FNIP2: variants seen among roughly 807,000 people sequenced by gnomAD.
The protein encoded by FNIP2 is folliculin interacting protein 2.
Under a neutral mutation model 108.7 loss-of-function variants are expected in FNIP2, and 32 were observed. The ratio of observed to expected loss-of-function variants is 0.29; its 90% CI spans 0.22 to 0.40. The LOEUF (loss-of-function observed/expected upper bound fraction) is 0.40, where lower values mean the gene tolerates loss of function less well. FNIP2 is among the 10% of genes least tolerant of loss of function. The pLI is 1.00. For synonymous variants in FNIP2, 480 were observed against 496.7 expected, an observed-to-expected ratio of 0.97 and a Z score of 0.45; for missense variants, 1,202 against 1,381.6, an observed-to-expected ratio of 0.87 and a Z score of 2.06.
At chr4:158,822,174 C>CTTTTTT (rs70962634) in intron 1 of FNIP2, among the ~76,000 whole-genome samples, 1 of 118,180 alleles carries the variant, frequency 8.5e-6, no homozygotes, top group Non-Finnish European at 1.8e-5. Flanking sequence ...GAGTTTTCCT[C>CTTTTTT]TTTTTTTTTT....
In FNIP2 at chr4:158,872,228, ATTGATAACCCTCC is replaced by A; in HGVS notation, c.2949+1764_2949+1776del. 4.1e-6 allele frequency: 4 copies of A among 985,412 alleles called. No homozygotes were observed. The South Asian group carries it at 1.4e-4, about 35-fold the overall frequency. 61.0% of individuals were successfully genotyped at this position (985,412 alleles called of 1,614,324 possible). A position where few individuals can be genotyped will look rare whatever the true frequency, so the allele number is the denominator to read the frequency against. On this transcript the variant is annotated intron_variant, in intron 14 of 16. Coordinates refer to ENST00000264433, the MANE Select transcript of FNIP2 (RefSeq NM_020840.3). ...ACCACTCTGGAAATGCAATCTATTGATTGATAACCCTCCTTGAACTTATCTGTAAAACCATTCA... is the reference window on the plus strand; with the variant it reads ...ACCACTCTGGAAATGCAATCTATTGATTGAACTTATCTGTAAAACCATTCA...
chr4:158,789,552 A>G (rs890591146), intron 1 of FNIP2, among the ~76,000 whole-genome samples: 1 of 152,192 alleles, frequency 6.6e-6, no homozygotes, highest in Non-Finnish European at 1.5e-5. Flanking sequence ...AGGATCCTCA[A>G]TAGTAAATGT....
intron 12 of FNIP2, among the ~76,000 whole-genome samples, chr4:158,865,867 A>G (rs907795077): frequency 5.3e-5 from 8 of 152,116 alleles, no homozygotes; most frequent in South Asian, 2.1e-4. Flanking sequence ...TTAAAGCTCT[A>G]TCAGCCTATA....
At chr4:158,890,306 A>G in intron 14 of FNIP2, 1 of 985,162 alleles carries the variant, frequency 1.0e-6, no homozygotes, top group Non-Finnish European at 1.2e-6. Flanking sequence ...AGGGAAAAAT[A>G]TAAACCCTAT....
intron 1 of FNIP2, among the ~76,000 whole-genome samples, chr4:158,775,488 C>A (rs1321026915): frequency 4.6e-5 from 7 of 152,094 alleles, no homozygotes; most frequent in Admixed American, 4.6e-4. Context: ...TTCCCTCAAC[C>A]CCACCCCATC....
At position 158,905,124 on chromosome 4, in the gene FNIP2, T is replaced by TAAGA. The variant is rs2126814167; in HGVS notation, c.*582_*585dup. The stretch of plus-strand genomic sequence containing the variant: ...CAGTGACTGTTTGACATAAAACATG[T>TAAGA]AAGAATTGCTTGTTGGGAAGAGTGC... On this transcript the variant is annotated 3_prime_UTR_variant, in exon 17 of 17. Coordinates refer to ENST00000264433, the MANE Select transcript of FNIP2 (RefSeq NM_020840.3). The TAAGA allele has an allele frequency of 6.6e-6, 1 of 152,612 alleles. No homozygotes were observed. The highest frequency in any genetic ancestry group is 1.9e-4 in the East Asian group (1 of 5,192). 9.5% of individuals were successfully genotyped at this position (152,612 alleles called of 1,614,324 possible).
intron 14 of FNIP2, among the ~76,000 whole-genome samples, chr4:158,885,236 TCCTCCTA>T (rs1190512382): frequency 5.9e-5 from 9 of 151,960 alleles, no homozygotes; most frequent in African/African-American, 2.2e-4. Flanking sequence ...TGATCCAAAC[TCCTCCTA>T]CCTGTCCCCT....
At chr4:158,822,756 A>G (rs928595966) in intron 1 of FNIP2, among the ~76,000 whole-genome samples, 67 of 152,068 alleles carry the variant, frequency 4.4e-4, no homozygotes, top group African/African-American at 1.5e-3. Flanking sequence ...TGCTTCAGCA[A>G]CCTAAGTAGC....
In FNIP2 at chr4:158,803,597, C is replaced by G. The variant is rs188343744; in HGVS notation, c.108-22319C>G. 1.2e-3 allele frequency among the ~76,000 whole-genome samples: 182 copies of G among 152,256 alleles called. 1 individual carries two copies. The highest frequency in any genetic ancestry group is 5.4e-3 in the Admixed American group (82 of 15,298). On this transcript the variant is annotated intron_variant, in intron 1 of 16. Transcript: ENST00000264433. ...AATTTGAAGTCATGTAGAGACATCC[C>G]CTTTAACATATAATAGTTGTGGTTT...
At chr4:158,852,494 T>A (rs1779755685) in intron 8 of FNIP2, among the ~76,000 whole-genome samples, 1 of 152,246 alleles carries the variant, frequency 6.6e-6, no homozygotes, top group Non-Finnish European at 1.5e-5. Flanking sequence ...GTCCTAGCTC[T>A]GTCACTCACT....
At chr4:158,808,684 C>T (rs538906375) in intron 1 of FNIP2, 4 of 152,334 alleles carry the variant, frequency 2.6e-5, no homozygotes, top group African/African-American at 9.6e-5. Flanking sequence ...TCACAGTTAT[C>T]TGTTTGTCCA....
rs1407853153 is a variant in FNIP2 at position 158,868,599 on chromosome 4, A to G, written c.1963A>G (p.Lys655Glu). Residue 655 changes from lysine (K) to glutamate (E), a missense_variant, in exon 13 of 17, where the codon AAA becomes GAA. Around this residue, in one of 5 missense-constraint regions of FNIP2, gnomAD observed 878 missense variants for 990.3 expected, o/e 0.89. Transcript: ENST00000264433. This position sits in a 1 kb window ranked among gnomAD's most constrained non-coding sequence, Gnocchi z 4.6. ...TGCATTTTGTGGGGATGAGAAAAATAAAGAGGCACCGCAAGATGGCTCTTC... is the reference window on the plus strand; with the variant it reads ...TGCATTTTGTGGGGATGAGAAAAATGAAGAGGCACCGCAAGATGGCTCTTC... Reference protein sequence around the residue: ...QNAFCGDEKNKEAPQDGSSRL... With the variant: ...QNAFCGDEKNEEAPQDGSSRL... 1 of 1,613,710 alleles carries G rather than the reference A, an allele frequency of 6.2e-7. No individual in the cohort carries two copies. Among genetic ancestry groups the G allele is most frequent in the Non-Finnish European group, 8.5e-7 (1 of 1,179,740 alleles).
chr4:158,858,962 C>A, intron 8 of FNIP2, 95 bp from the exon 9 acceptor site: 2 of 962,852 alleles, frequency 2.1e-6, no homozygotes, highest in Non-Finnish European at 3.2e-6. Flanking sequence ...TTAGTTATGA[C>A]TGAATGTTCT....
Position 158,907,255 on chromosome 4 carries a change from G to T in FNIP2, c.*2711G>T, listed in dbSNP as rs1226767862. The T allele has an allele frequency of 6.6e-6, 1 of 152,142 alleles. No individual in the cohort carries two copies. The highest frequency in any genetic ancestry group is 1.5e-5 in the Non-Finnish European group (1 of 68,016). 9.4% of individuals were successfully genotyped at this position (152,142 alleles called of 1,614,324 possible). A position where few individuals can be genotyped will look rare whatever the true frequency, so the allele number is the denominator to read the frequency against. The stretch of plus-strand genomic sequence containing the variant: ...TTCCATACTTGTGCATAATTCCAAA[G>T]TATTTTATTTTTTATCAATCAGTGT... On this transcript the variant is annotated 3_prime_UTR_variant, in exon 17 of 17. Coordinates refer to ENST00000264433, the MANE Select transcript of FNIP2 (RefSeq NM_020840.3).
chr4:158,846,301 ACT>A (rs1779397682), intron 7 of FNIP2, among the ~76,000 whole-genome samples: 2 of 151,670 alleles, frequency 1.3e-5, no homozygotes, highest in Admixed American at 6.6e-5. Context: ...AGTGCAATAT[ACT>A]CTGTTTTCTT....
chr4:158,828,981 G>T, intron 2 of FNIP2, 98 bp from the exon 3 acceptor site: 1 of 975,124 alleles, frequency 1.0e-6, no homozygotes, highest in Non-Finnish European at 1.4e-6. Context: ...TGCAACCTAG[G>T]CACCAGAATG....
intron 16 of FNIP2, 134 bp downstream of exon 16, chr4:158,895,999 T>C (rs1169917705): frequency 1.6e-6 from 1 of 634,826 alleles, no homozygotes; most frequent in Middle Eastern, 4.0e-4. Flanking sequence ...GTCCATCAGA[T>C]ACGTGCCTCT....
At chr4:158,826,281 G>A (rs904646137) in intron 2 of FNIP2, among the ~76,000 whole-genome samples, 2 of 152,220 alleles carry the variant, frequency 1.3e-5, no homozygotes, top group Non-Finnish European at 2.9e-5. Context: ...CAGGAGCTAA[G>A]CAGTGTACTA....
At position 158,796,253 on chromosome 4, in the gene FNIP2, G is replaced by A. The variant is rs140489424; in HGVS notation, c.107+26934G>A. On this transcript the variant is annotated intron_variant, in intron 1 of 16. Coordinates refer to ENST00000264433, the MANE Select transcript of FNIP2 (RefSeq NM_020840.3). ...GGATTCAGCTTGTAAAGTTAAATGA[G>A]CGGTACTTTAGAAGGGGAAATTGAT... 3.1e-3 allele frequency among the ~76,000 whole-genome samples: 479 copies of A among 152,306 alleles called. 1 individual carries two copies. The highest frequency in any genetic ancestry group is 0.01 in the African/African-American group (434 of 41,556).
Sources: allele counts gnomAD v4.1 joint callset (sites outside exome capture counted in the v4.1 genomes callset), GRCh38; gene constraint gnomAD v4.1.1; regional missense constraint gnomAD v4.1.1; non-coding constraint Gnocchi (gnomAD v3.1); transcripts MANE v1.5; gene names NCBI Gene and HGNC (gene_info 2026-07-23, HGNC 2026-07-21).